INPP5D: variants seen among roughly 807,000 people sequenced by gnomAD.
INPP5D encodes the protein phosphatidylinositol 3,4,5-trisphosphate 5-phosphatase 1.
INPP5D carries 33 observed loss-of-function variants against 122.9 expected under a neutral mutation model. The observed-to-expected ratio is 0.27, with a 90% CI of 0.20 to 0.36. The LOEUF (loss-of-function observed/expected upper bound fraction) is 0.36, where lower values mean the gene tolerates loss of function less well. Among genes scored for constraint, INPP5D ranks in the 10% least tolerant of loss-of-function variants. INPP5D has a pLI of 1.00. For missense variants in INPP5D, 1,053 were observed against 1,412.7 expected, an observed-to-expected ratio of 0.75 and a Z score of 4.08; for synonymous variants, 584 against 576.2, an observed-to-expected ratio of 1.01 and a Z score of -0.19.
chr2:233,086,213 T>G (rs1367934617), intron 2 of INPP5D, among the ~76,000 whole-genome samples: 3 of 141,682 alleles, frequency 2.1e-5, no homozygotes, highest in Admixed American at 7.4e-5. Context: ...AGTTTCGCTC[T>G]TGTTGCCCAG....
intron 1 of INPP5D, among the ~76,000 whole-genome samples, chr2:233,066,842 G>T (rs962011472): frequency 6.6e-6 from 1 of 152,020 alleles, no homozygotes; most frequent in Admixed American, 6.6e-5. Context: ...GCAATGGTGT[G>T]TTCTTGGCTC....
At chr2:233,067,631 C>T (rs1216906364) in intron 1 of INPP5D, among the ~76,000 whole-genome samples, 1 of 152,156 alleles carries the variant, frequency 6.6e-6, no homozygotes. Context: ...TTGGTGGATC[C>T]ACCATTTTGC....
chr2:233,144,050 C>T (rs1214894741), intron 6 of INPP5D, among the ~76,000 whole-genome samples: 81 of 74,436 alleles, frequency 1.1e-3, no homozygotes, highest in South Asian at 1.8e-3. Flanking sequence ...GTGGTGATGG[C>T]GATGGTGGAG....
At position 233,103,959 on chromosome 2, in the gene INPP5D, C is replaced by A. The variant is rs372929593; in HGVS notation, c.199-18148C>A. On this transcript the variant is annotated intron_variant, in intron 2 of 26. Coordinates refer to ENST00000445964, the MANE Select transcript of INPP5D (RefSeq NM_001017915.3). ...TGACCTCAAATGATCCACCTGCCTC[C>A]GCCTCCCAAAGTGCTGGGATTACTG... 6.1e-3 allele frequency among the ~76,000 whole-genome samples: 881 copies of A among 143,276 alleles called. 9 individuals carry two copies. Among genetic ancestry groups the A allele is most frequent in the African/African-American group, 0.022 (847 of 38,494 alleles). 94.0% of individuals were successfully genotyped at this position (143,276 alleles called of 152,430 possible).
chr2:233,119,382 G>A (rs1439903767), intron 2 of INPP5D, among the ~76,000 whole-genome samples: 1 of 152,110 alleles, frequency 6.6e-6, no homozygotes. Flanking sequence ...TGAGTTCATA[G>A]ATCTTGTATC....
chr2:233,178,271 T>G (rs145261355), intron 18 of INPP5D, among the ~76,000 whole-genome samples: 227 of 151,870 alleles, frequency 1.5e-3, no homozygotes, highest in Non-Finnish European at 2.7e-3. Context: ...CTGAAAAAAA[T>G]GAAAGAAAGA....
chr2:233,060,466 G>GCCC lies in INPP5D; in HGVS notation c.-12_-10dup, dbSNP rs1258018216. 6.9e-6 allele frequency: 11 copies of GCCC among 1,594,692 alleles called. No individual in the cohort carries two copies. Among genetic ancestry groups the GCCC allele is most frequent in the Non-Finnish European group, 9.4e-6 (11 of 1,170,062 alleles). On this transcript the variant is annotated 5_prime_UTR_variant, in exon 1 of 27. Coordinates refer to ENST00000445964, the MANE Select transcript of INPP5D (RefSeq NM_001017915.3). ...GGTGCCTGCCGGCCCGGCCGAGGAG[G>GCCC]CCCACGCCCACCATGGTCCCCTGCT... is the stretch of plus-strand genomic sequence containing the variant.
chr2:233,132,844 T>A (rs2106266165), intron 5 of INPP5D, among the ~76,000 whole-genome samples: 1 of 151,804 alleles, frequency 6.6e-6, no homozygotes, highest in Non-Finnish European at 1.5e-5. Context: ...AACATCTCAG[T>A]GAGGCACACA....
At chr2:233,192,986 C>G (rs1206839844) in intron 22 of INPP5D, among the ~76,000 whole-genome samples, 3 of 152,210 alleles carry the variant, frequency 2.0e-5, no homozygotes. Context: ...TTCCCAGATT[C>G]AAGAGATTCT....
chr2:233,167,096 G>C (rs1463939738), intron 13 of INPP5D, among the ~76,000 whole-genome samples: 1 of 151,652 alleles, frequency 6.6e-6, no homozygotes, highest in Non-Finnish European at 1.5e-5. Flanking sequence ...ACCCTGCTAG[G>C]CACGATGGCT....
At chr2:233,184,875 C>T (rs570191955) in intron 20 of INPP5D, among the ~76,000 whole-genome samples, 2 of 152,096 alleles carry the variant, frequency 1.3e-5, no homozygotes, top group Non-Finnish European at 2.9e-5. Flanking sequence ...GGCCCAGGTC[C>T]AGACCTCAAA....
chr2:233,066,751 C>T (rs141425069), intron 1 of INPP5D, among the ~76,000 whole-genome samples: 8,064 of 151,572 alleles, frequency 0.053, 562 homozygotes, highest in African/African-American at 0.16. Context: ...GGATTACAGG[C>T]GCATGCCACC....
At chr2:233,068,286 A>T (rs1574699794) in intron 1 of INPP5D, among the ~76,000 whole-genome samples, 1 of 8,888 alleles carries the variant, frequency 1.1e-4, no homozygotes, top group African/African-American at 1.9e-4. Flanking sequence ...ACTCTGTCTC[A>T]AAAAAAAAAA....
chr2:233,112,608 G>A (rs7570061), intron 2 of INPP5D, among the ~76,000 whole-genome samples: 34,165 of 152,054 alleles, frequency 0.22, 4,743 homozygotes, highest in African/African-American at 0.39. Flanking sequence ...GTGGGCTCTC[G>A]CAGCAGACAG....
At chr2:233,186,036 A>G (rs771189731) in intron 21 of INPP5D, 111 bp downstream of exon 21, 8 of 1,314,992 alleles carry the variant, frequency 6.1e-6, no homozygotes, top group Non-Finnish European at 7.9e-6. Context: ...CAGGAATCTC[A>G]TAGACCAAAT....
intron 17 of INPP5D, among the ~76,000 whole-genome samples, chr2:233,172,607 A>G (rs550344164): frequency 6.6e-6 from 1 of 152,334 alleles, no homozygotes; most frequent in South Asian, 2.1e-4. Flanking sequence ...TTGTTTTCAG[A>G]CTTACTGATT....
intron 2 of INPP5D, among the ~76,000 whole-genome samples, chr2:233,093,033 G>A (rs999360075): frequency 1.3e-5 from 2 of 152,234 alleles, no homozygotes; most frequent in African/African-American, 4.8e-5. Context: ...AGAAATTAAA[G>A]AATGTGTCTT....
At chr2:233,102,633 G>T (rs1411331858) in intron 2 of INPP5D, among the ~76,000 whole-genome samples, 2 of 151,832 alleles carry the variant, frequency 1.3e-5, no homozygotes, top group African/African-American at 4.8e-5. Context: ...CAGATCACAA[G>T]GTCAGGAGAT....
chr2:233,142,315 G>A (rs1311264924), intron 6 of INPP5D, among the ~76,000 whole-genome samples: 8 of 152,200 alleles, frequency 5.3e-5, no homozygotes, highest in African/African-American at 1.9e-4. Context: ...GGGAGTTGAG[G>A]CTGCCTTGAG....
Sources: allele counts gnomAD v4.1 joint callset (sites outside exome capture counted in the v4.1 genomes callset), GRCh38; gene constraint gnomAD v4.1.1; transcripts MANE v1.5; gene names NCBI Gene and HGNC (gene_info 2026-07-23, HGNC 2026-07-21).